GDAP1: variants seen among roughly 807,000 people sequenced by gnomAD.
The protein encoded by GDAP1 is ganglioside-induced differentiation-associated protein 1.
GDAP1 carries 34 observed loss-of-function variants against 40.1 expected under a neutral mutation model. The observed-to-expected ratio is 0.85, with a 90% CI of 0.64 to 1.13. GDAP1 has a LOEUF of 1.13. GDAP1 is among the 50% of genes most tolerant of loss of function. The probability of loss-of-function intolerance (pLI) is 0.00; values close to 1 mark genes in which losing one functional copy is unlikely to be tolerated. For missense variants in GDAP1, 374 were observed against 433.7 expected (o/e 0.86, Z 1.22); for synonymous variants, 170 against 157.4 (o/e 1.08, Z -0.60).
rs140802073 is a variant in GDAP1, at chr8:74,403,562, G to C, written c.165+52241G>C. On this transcript the variant is annotated intron_variant, in intron 2 of 2. Transcript: ENST00000523640. ...TATTTATAAGTTTTACACACTTAACGTTTTAGCTTTTGCTGGTGAAGCATA... is the reference window on the plus strand; with the variant it reads ...TATTTATAAGTTTTACACACTTAACCTTTTAGCTTTTGCTGGTGAAGCATA... 3.3e-5 allele frequency among the ~76,000 whole-genome samples: 5 copies of C among 150,110 alleles called. No individual in the cohort carries two copies. The East Asian group carries it at 9.6e-4, about 29-fold the overall frequency.
chr8:74,401,884 C>T (rs1396296621), intron 2 of GDAP1, among the ~76,000 whole-genome samples: 8 of 150,056 alleles, frequency 5.3e-5, no homozygotes, highest in Admixed American at 2.6e-4. Context: ...TCTTGAACCG[C>T]GAATGCTGCT....
intron 2 of GDAP1, among the ~76,000 whole-genome samples, chr8:74,424,855 ACT>A (rs1805927012): frequency 6.6e-6 from 1 of 151,792 alleles, no homozygotes; most frequent in African/African-American, 2.4e-5. Flanking sequence ...CACATCCAAG[ACT>A]CTACCTGCCA....
At chr8:74,419,337 A>G (rs915537442) in intron 2 of GDAP1, among the ~76,000 whole-genome samples, 15 of 152,224 alleles carry the variant, frequency 9.9e-5, no homozygotes, top group Admixed American at 3.9e-4. Flanking sequence ...ATAGTTCTGA[A>G]CAATGAAAAA....
At chr8:74,389,017 C>T (rs1026198561) in intron 2 of GDAP1, among the ~76,000 whole-genome samples, 7 of 151,960 alleles carry the variant, frequency 4.6e-5, no homozygotes, top group Admixed American at 2.0e-4. Context: ...CTGTTTTTTG[C>T]TTTCCATTTG....
At chr8:74,356,692 T>TGTTTG (rs1563440290) in intron 2 of GDAP1, among the ~76,000 whole-genome samples, 77 of 95,308 alleles carry the variant, frequency 8.1e-4, no homozygotes, top group Admixed American at 1.6e-3. Context: ...GTGTGTGTGT[T>TGTTTG]TGTGTGTGTG....
chr8:74,350,865 G>T (rs1808828193), intron 1 of GDAP1, among the ~76,000 whole-genome samples: 1 of 152,194 alleles, frequency 6.6e-6, no homozygotes, highest in South Asian at 2.1e-4. Flanking sequence ...CTGGTCTTCG[G>T]AGAGAGGCAG....
At chr8:74,457,488 A>G (rs1316169385) in intron 2 of GDAP1, among the ~76,000 whole-genome samples, 5 of 152,030 alleles carry the variant, frequency 3.3e-5, no homozygotes, top group African/African-American at 1.2e-4. Flanking sequence ...CTTTAAAATT[A>G]TTTCCTCCTG....
intron 2 of GDAP1, among the ~76,000 whole-genome samples, chr8:74,425,785 T>C (rs979760210): frequency 6.6e-6 from 1 of 152,218 alleles, no homozygotes; most frequent in Non-Finnish European, 1.5e-5. Flanking sequence ...TCTAGGATGA[T>C]GGTGAAGCCT....
intron 2 of GDAP1, among the ~76,000 whole-genome samples, chr8:74,422,268 TTTTCTTTTCTTTTTTCTTTTCTTTCTTTC>T (rs1414537198): frequency 3.5e-5 from 5 of 143,342 alleles, no homozygotes; most frequent in Non-Finnish European, 7.6e-5. Flanking sequence ...TTTCTTTTTC[TTTTCTTTTCTTTTTTCTTTTCTTTCTTTC>T]TTTCTTTCTT....
intron 2 of GDAP1, among the ~76,000 whole-genome samples, chr8:74,376,174 C>G (rs543408590): frequency 1.3e-5 from 2 of 152,176 alleles, no homozygotes; most frequent in Admixed American, 6.5e-5. Flanking sequence ...GTTAAGAAGT[C>G]CATTCTCCGC....
intron 2 of GDAP1, among the ~76,000 whole-genome samples, chr8:74,487,992 C>G (rs566075269): frequency 1.2e-4 from 18 of 152,230 alleles, no homozygotes; most frequent in Non-Finnish European, 2.1e-4. Flanking sequence ...TGTTCATATG[C>G]CATTCCACAC....
chr8:74,361,782 C>T, intron 3 of GDAP1, 102 bp from the exon 4 acceptor site: 1 of 755,734 alleles, frequency 1.3e-6, no homozygotes, highest in Non-Finnish European at 2.4e-6. Context: ...GGGCATGAGC[C>T]CCAGAGCTCA....
intron 2 of GDAP1, among the ~76,000 whole-genome samples, chr8:74,469,310 T>C (rs1806513543): frequency 6.6e-6 from 1 of 152,210 alleles, no homozygotes; most frequent in African/African-American, 2.4e-5. Flanking sequence ...TTTTTAATGC[T>C]CTGAAACAGT....
chr8:74,385,658 T>C (rs779118437), intron 2 of GDAP1, among the ~76,000 whole-genome samples: 6 of 152,202 alleles, frequency 3.9e-5, no homozygotes, highest in Admixed American at 1.3e-4. Context: ...TGTGTCTTTA[T>C]AGTAGAATGA....
chr8:74,422,323 T>G (rs188607756), intron 2 of GDAP1, among the ~76,000 whole-genome samples: 12 of 60,396 alleles, frequency 2.0e-4, no homozygotes, highest in Admixed American at 4.0e-4. Context: ...CTTTCTTTCT[T>G]TCTTTCTTTC....
rs928655845 is a variant in GDAP1 at position 74,366,783 on chromosome 8, T to C, written c.*2416T>C. ...TTGCTGTTGACACCAGCGTTGTAGATTTTTGGTGTTGTTGAATGCAGTAGA... is the reference window on the plus strand; with the variant it reads ...TTGCTGTTGACACCAGCGTTGTAGACTTTTGGTGTTGTTGAATGCAGTAGA... On this transcript the variant is annotated 3_prime_UTR_variant, in exon 6 of 6. Transcript: ENST00000220822. 21 of 453,768 alleles carry C rather than the reference T, an allele frequency of 4.6e-5. No homozygotes were observed. The highest frequency in any genetic ancestry group is 4.0e-4 in the African/African-American group (20 of 49,994). The allele number at this position is 453,768 out of a possible 1,614,324, so 28.1% of individuals were successfully genotyped here. A position where few individuals can be genotyped will look rare whatever the true frequency, so the allele number is the denominator to read the frequency against.
intron 2 of GDAP1, among the ~76,000 whole-genome samples, chr8:74,476,712 A>G (rs1012576596): frequency 3.3e-5 from 5 of 152,100 alleles, no homozygotes; most frequent in Admixed American, 3.3e-4. Flanking sequence ...GCTGCCTTTA[A>G]CATTTTTTCT....
Position 74,389,159 on chromosome 8 carries a change from A to G in GDAP1, c.165+37838A>G, listed in dbSNP as rs146583429. ...ATGTGCCAGTCTGTGTCTTTAATTG[A>G]GGCATTTAGCCCATTTACATTTAAG... On this transcript the variant is annotated intron_variant, in intron 2 of 2. Coordinates refer to the GDAP1 transcript ENST00000523640. 8.1e-3 allele frequency among the ~76,000 whole-genome samples: 1,233 copies of G among 152,048 alleles called. 19 individuals carry two copies. Among genetic ancestry groups the G allele is most frequent in the African/African-American group, 0.028 (1,172 of 41,488 alleles).
At chr8:74,394,680 A>G (rs1212236402) in intron 2 of GDAP1, among the ~76,000 whole-genome samples, 1 of 152,066 alleles carries the variant, frequency 6.6e-6, no homozygotes, top group Non-Finnish European at 1.5e-5. Context: ...TGACCAGAGG[A>G]CTGAACACAA....
Sources: gnomAD v4.1 joint callset for allele counts (sites outside exome capture counted in the v4.1 genomes callset) on GRCh38, gnomAD v4.1.1 for gene constraint, MANE v1.5 for transcripts, NCBI Gene and HGNC (gene_info 2026-07-23, HGNC 2026-07-21) for gene names.